The following MIGA1 variants were observed in gnomAD, a reference collection of about 807,000 sequenced individuals.
MIGA1 encodes mitoguardin 1.
In MIGA1, 58 loss-of-function variants were observed where a neutral mutation model predicts 82.0. The observed-to-expected ratio is 0.71, with a 90% CI of 0.57 to 0.88. The LOEUF is 0.88. MIGA1 is among the 40% of genes least tolerant of loss of function. The pLI is 0.00. For synonymous variants in MIGA1, 249 were observed against 253.6 expected, an observed-to-expected ratio of 0.98 and a Z score of 0.17; for missense variants, 751 against 749.1, an observed-to-expected ratio of 1.00 and a Z score of -0.03.
chr1:77,875,199 T>A lies in MIGA1; in HGVS notation c.*135T>A, dbSNP rs1646885205. ...GAGGAAAAAAAAATCTACTAAAAAA[T>A]GAGCAACTGTACTGTATTTATACAG... On this transcript the variant is annotated 3_prime_UTR_variant, in exon 16 of 16. Transcript: ENST00000370791. 1 of 689,142 alleles carries A rather than the reference T, an allele frequency of 1.5e-6. No individual in the cohort carries two copies. Among genetic ancestry groups the A allele is most frequent in the African/African-American group, 1.8e-5 (1 of 55,324 alleles). 42.7% of individuals were successfully genotyped at this position (689,142 alleles called of 1,614,324 possible).
rs375600356 is a variant in MIGA1 at position 77,833,842 on chromosome 1, G to C, written c.896-9465G>C. Among the ~76,000 whole-genome samples, 7 of 152,304 alleles carry C rather than the reference G, an allele frequency of 4.6e-5. No individual in the cohort carries two copies. In the East Asian group the frequency reaches 9.7e-4, roughly 21 times the overall value. On this transcript the variant is annotated intron_variant, in intron 7 of 15. Transcript: ENST00000370791. ...CACTTCTTTCTTCTTTAAACAAAAG[G>C]GGGGAGGGTGTAGAAAATGCTGTTA...
At chr1:77,840,203 A>G (rs1425433075) in intron 7 of MIGA1, among the ~76,000 whole-genome samples, 1 of 152,260 alleles carries the variant, frequency 6.6e-6, no homozygotes. Context: ...TCCAGGAATC[A>G]TAACAATTAC....
chr1:77,780,828 T>A (rs1342338758), intron 1 of MIGA1, among the ~76,000 whole-genome samples: 1 of 152,030 alleles, frequency 6.6e-6, no homozygotes, highest in African/African-American at 2.4e-5. Flanking sequence ...GGAATCAACT[T>A]CCTCAGTAAT....
rs569547740 is a variant in MIGA1 at position 77,789,473 on chromosome 1, G to A, written c.195+6122G>A. ...GATCCTCCCGTATTGGCCTCCCAAA[G>A]TGCTAGGATAATGGGTGTGAGCCAC... On this transcript the variant is annotated intron_variant, in intron 2 of 15. Transcript: ENST00000370791. Among the ~76,000 whole-genome samples, 6 of 152,212 alleles carry A rather than the reference G, an allele frequency of 3.9e-5. No individual in the cohort carries two copies. In the East Asian group the frequency reaches 1.2e-3, roughly 29 times the overall value.
intron 2 of MIGA1, among the ~76,000 whole-genome samples, chr1:77,801,028 T>C (rs1021534265): frequency 3.3e-5 from 5 of 152,192 alleles, no homozygotes; most frequent in African/African-American, 1.2e-4. Context: ...GAAGATTCAG[T>C]TGCGTGAATT....
intron 8 of MIGA1, among the ~76,000 whole-genome samples, chr1:77,858,505 G>A (rs1381697608): frequency 6.6e-6 from 1 of 152,142 alleles, no homozygotes; most frequent in Non-Finnish European, 1.5e-5. Flanking sequence ...CTCTTGAATG[G>A]TTTTTATGGT....
In MIGA1 at chr1:77,779,712, A is replaced by C. The variant is rs1264002392; in HGVS notation, c.57A>C (p.Pro19=). The change falls in exon 1 of 16, where the codon CCA becomes CCC. Residue 19 remains proline, a synonymous_variant. Coordinates refer to ENST00000370791, the MANE Select transcript of MIGA1 (RefSeq NM_198549.4). ...GCTGGGAAGCTGGCGTGGGCAGGCC[A>C]GCTGTACCTGGCCTGGAGCTCCAGG... 1 of 1,580,130 alleles carries C rather than the reference A, an allele frequency of 6.3e-7. No homozygotes were observed. Among genetic ancestry groups the C allele is most frequent in the Admixed American group, 1.8e-5 (1 of 55,700 alleles).
At chr1:77,870,677 G>T (rs1255941460) in intron 14 of MIGA1, among the ~76,000 whole-genome samples, 1 of 150,460 alleles carries the variant, frequency 6.6e-6, no homozygotes, top group Non-Finnish European at 1.5e-5. Context: ...CTTCCCAGAC[G>T]GGGTGGCGGC....
At chr1:77,861,709 C>A (rs1044493192) in intron 12 of MIGA1, 63 of 167,496 alleles carry the variant, frequency 3.8e-4, no homozygotes, top group African/African-American at 1.4e-3. Context: ...ATACACAAGA[C>A]TGAACAAATA....
chr1:77,863,417 G>A (rs952466342), intron 12 of MIGA1, among the ~76,000 whole-genome samples: 1 of 152,120 alleles, frequency 6.6e-6, no homozygotes, highest in Non-Finnish European at 1.5e-5. Context: ...GTTCATAATT[G>A]GATATTTGCA....
intron 3 of MIGA1, among the ~76,000 whole-genome samples, 190 bp downstream of exon 3, chr1:77,801,698 TG>T (rs1427311351): frequency 2.6e-5 from 4 of 152,210 alleles, no homozygotes; most frequent in Admixed American, 2.0e-4. Context: ...CTTGACATTC[TG>T]GTACCCAGAA....
At chr1:77,871,480 C>T (rs1180278104) in intron 14 of MIGA1, among the ~76,000 whole-genome samples, 7 of 150,552 alleles carry the variant, frequency 4.6e-5, no homozygotes, top group South Asian at 4.2e-4. Flanking sequence ...CCAGCCTGGG[C>T]GACAGAGTGA....
At chr1:77,869,378 A>T (rs1685808629) in intron 14 of MIGA1, among the ~76,000 whole-genome samples, 1 of 148,584 alleles carries the variant, frequency 6.7e-6, no homozygotes, top group Admixed American at 6.7e-5. Context: ...CGATTTCTCA[A>T]TTTTTTCCCC....
rs568755409 is a variant in MIGA1 at position 77,824,556 on chromosome 1, T to C, written c.895+9325T>C. ...CTGAGAAACAGTGAGACTCAGTCTC[T>C]AAAAATAATTAAAATAGGAAATATT... On this transcript the variant is annotated intron_variant, in intron 7 of 15. Transcript: ENST00000370791. Among the ~76,000 whole-genome samples, 72 of 152,302 alleles carry C rather than the reference T, an allele frequency of 4.7e-4. No individual in the cohort carries two copies. In the South Asian group the frequency reaches 0.015, roughly 31 times the overall value.
intron 14 of MIGA1, among the ~76,000 whole-genome samples, chr1:77,872,761 A>C (rs547896316): frequency 6.6e-6 from 1 of 152,302 alleles, no homozygotes; most frequent in East Asian, 1.9e-4. Context: ...GTTTGCCCTC[A>C]AAAAGAGCTA....
intron 2 of MIGA1, among the ~76,000 whole-genome samples, chr1:77,794,766 A>G (rs560895563): frequency 6.6e-6 from 1 of 152,280 alleles, no homozygotes; most frequent in East Asian, 1.9e-4. Context: ...TGCACACTGC[A>G]CGCTAGCCTG....
At chr1:77,820,820 C>A (rs1431904215) in intron 7 of MIGA1, among the ~76,000 whole-genome samples, 1 of 152,150 alleles carries the variant, frequency 6.6e-6, no homozygotes, top group Non-Finnish European at 1.5e-5. Context: ...GGTAATTTGC[C>A]TACCATGTTG....
At chr1:77,840,589 G>A (rs1453162954) in intron 7 of MIGA1, among the ~76,000 whole-genome samples, 3 of 152,202 alleles carry the variant, frequency 2.0e-5, no homozygotes, top group South Asian at 4.1e-4. Flanking sequence ...GAGGCGGGCG[G>A]GTCACCTGAG....
chr1:77,802,166 T>G (rs375094148), intron 3 of MIGA1, among the ~76,000 whole-genome samples: 1 of 152,134 alleles, frequency 6.6e-6, no homozygotes, highest in Admixed American at 6.5e-5. Flanking sequence ...ATTTAGTGAG[T>G]GTGTGATATG....
Sources: allele counts gnomAD v4.1 joint callset (sites outside exome capture counted in the v4.1 genomes callset), GRCh38; gene constraint gnomAD v4.1.1; transcripts MANE v1.5; gene names NCBI Gene and HGNC (gene_info 2026-07-23, HGNC 2026-07-21).